DLG4: variants seen among roughly 807,000 people sequenced by gnomAD.
DLG4 encodes disks large homolog 4.
In DLG4, 7 loss-of-function variants were observed where a neutral mutation model predicts 93.8. The ratio of observed to expected loss-of-function variants is 0.07; its 90% CI spans 0.04 to 0.14. The LOEUF (loss-of-function observed/expected upper bound fraction) is 0.14, where lower values mean the gene tolerates loss of function less well. Ranked by LOEUF, DLG4 falls within the 10% of genes least tolerant of loss-of-function variation. The probability of loss-of-function intolerance (pLI) is 1.00; values close to 1 mark genes in which losing one functional copy is unlikely to be tolerated. For synonymous variants in DLG4, 341 were observed against 387.6 expected, an observed-to-expected ratio of 0.88 and a Z score of 1.41; for missense variants, 545 against 992.9, an observed-to-expected ratio of 0.55 and a Z score of 6.06.
At chr17:7,190,878 G>T in intron 19 of DLG4, 64 bp from the exon 20 acceptor site, 4 of 1,376,604 alleles carry the variant, frequency 2.9e-6, no homozygotes, top group South Asian at 1.2e-5. Flanking sequence ...GGCCAAGGGG[G>T]TTGCACCAGC....
Position 7,193,210 on chromosome 17 carries a change from C to T in DLG4, c.1694-93G>A. On this transcript the variant is annotated intron_variant, in intron 16 of 19. Transcript: ENST00000399506. The surrounding 1 kb of genome is among the most constrained non-coding windows in gnomAD (Gnocchi z 6.7). The stretch of plus-strand genomic sequence containing the variant: ...TCAATCAAATCCCCATAGTGCCCAG[C>T]TGGTCCTTTGGTGAAAGGGAGCTGC... 6.5e-7 allele frequency: 1 copy of T among 1,540,356 alleles called. No individual in the cohort carries two copies. Among genetic ancestry groups the T allele is most frequent in the Non-Finnish European group, 8.8e-7 (1 of 1,131,344 alleles).
At chr17:7,218,423 G>A (rs1341104373), upstream of DLG4, 8 of 1,373,906 alleles carry the variant, frequency 5.8e-6, no homozygotes, top group African/African-American at 2.9e-5. Flanking sequence ...GGACACCATA[G>A]GCAGGACCCT....
intron 8 of DLG4, among the ~76,000 whole-genome samples, chr17:7,199,072 G>T (rs554951083): frequency 6.6e-6 from 1 of 152,148 alleles, no homozygotes; most frequent in Admixed American, 6.5e-5. Context: ...TCAACCTGTT[G>T]GTTACTCTCT....
chr17:7,214,183 G>A (rs1291722027), intron 1 of DLG4, among the ~76,000 whole-genome samples: 2 of 152,156 alleles, frequency 1.3e-5, no homozygotes, highest in African/African-American at 4.8e-5. Flanking sequence ...GGAAAATTGA[G>A]ACGTCAGACT....
upstream of DLG4, chr17:7,217,923 G>C: frequency 9.0e-7 from 1 of 1,112,336 alleles, no homozygotes; most frequent in Non-Finnish European, 1.3e-6. Context: ...GTAGGGGGTC[G>C]GGTGTGAGGG....
At position 7,196,499 on chromosome 17, in the gene DLG4, G is replaced by C; in HGVS notation, c.1160C>G (p.Thr387Arg). 1 of 1,613,990 alleles carries C rather than the reference G, an allele frequency of 6.2e-7. No individual in the cohort carries two copies. Among genetic ancestry groups the C allele is most frequent in the Non-Finnish European group, 8.5e-7 (1 of 1,179,888 alleles). The part of the protein sequence containing the change: ...IALKNAGQTV[T>R]IIAQYKPEEY... ...TTCTGGTTTATACTGAGCGATGATCGTGACCGTCTGACCCGCATTCTTCAG... is the reference window on the plus strand; with the variant it reads ...TTCTGGTTTATACTGAGCGATGATCCTGACCGTCTGACCCGCATTCTTCAG... Residue 387 changes from threonine to arginine, a missense_variant, in exon 10 of 20, where the codon ACG becomes AGG. Physicochemically the swap from Thr to Arg is moderately conservative, Grantham distance 71. Around this residue, in one of 5 missense-constraint regions of DLG4, gnomAD observed 428 missense variants for 741.4 expected, o/e 0.58. Coordinates refer to ENST00000399506, the MANE Select transcript of DLG4 (RefSeq NM_001321075.3). The surrounding 1 kb of genome is among the most constrained non-coding windows in gnomAD (Gnocchi z 8.3).
At chr17:7,218,120 ACTGACTCAGG>A, upstream of DLG4, 1 of 904,912 alleles carries the variant, frequency 1.1e-6, no homozygotes, top group Non-Finnish European at 1.7e-6. Flanking sequence ...TCCCTGGGCC[ACTGACTCAGG>A]CTTTTGTCAG....
At position 7,203,142 on chromosome 17, in the gene DLG4, G is replaced by A. The variant is rs928003885; in HGVS notation, c.642+51C>T. ...GATGAACTTGGGCCTGCCAGGGCTA[G>A]TAGGTGAGACCCAAATCTGGGCTAG... On this transcript the variant is annotated intron_variant, in intron 7 of 19. Transcript: ENST00000399506. The surrounding 1 kb of genome is among the most constrained non-coding windows in gnomAD (Gnocchi z 7.2). 86 of 1,570,244 alleles carry A rather than the reference G, an allele frequency of 5.5e-5. No individual in the cohort carries two copies. The highest frequency in any genetic ancestry group is 7.1e-5 in the Non-Finnish European group (82 of 1,150,242).
upstream of DLG4, chr17:7,219,790 G>T (rs1314338317): frequency 5.3e-6 from 8 of 1,505,620 alleles, no homozygotes; most frequent in African/African-American, 1.1e-4. Flanking sequence ...GACGCTTGGA[G>T]ATCCCTCTAA....
rs371707817 is a variant in DLG4 at position 7,209,980 on chromosome 17, T to G, written c.31-1741A>C. On this transcript the variant is annotated intron_variant, in intron 1 of 19. Coordinates refer to ENST00000399506, the MANE Select transcript of DLG4 (RefSeq NM_001321075.3). ...TTGCTTGAACCTGGGAAGCGGAGGT[T>G]GCAGTGAGCCGAGATCATGCCACTG... 2.5e-4 allele frequency among the ~76,000 whole-genome samples: 38 copies of G among 152,242 alleles called. No individual in the cohort carries two copies. In the East Asian group the frequency reaches 5.4e-3, roughly 22 times the overall value.
At chr17:7,200,946 G>A (rs1464538293) in intron 8 of DLG4, among the ~76,000 whole-genome samples, 4 of 139,440 alleles carry the variant, frequency 2.9e-5, no homozygotes, top group Non-Finnish European at 4.5e-5. Context: ...TGCAAGCTCC[G>A]CCTCCCAGGG....
chr17:7,194,501 G>C lies in DLG4; in HGVS notation c.1302-6C>G. ...TGTCGTAATCAAACAGGGCCCTGGA[G>C]GGCAAGTGGCTATCGGTCAGAGCCC... On this transcript the variant is annotated splice_polypyrimidine_tract_variant and splice_region_variant and intron_variant, in intron 11 of 19. Transcript: ENST00000399506. This position sits in a 1 kb window ranked among gnomAD's most constrained non-coding sequence, Gnocchi z 4.4. The C allele has an allele frequency of 6.3e-7, 1 of 1,599,356 alleles. No individual in the cohort carries two copies. Among genetic ancestry groups the C allele is most frequent in the Admixed American group, 1.7e-5 (1 of 57,780 alleles).
intron 8 of DLG4, 35 bp from the exon 9 acceptor site, chr17:7,197,087 A>T: frequency 6.4e-7 from 1 of 1,556,600 alleles, no homozygotes; most frequent in Non-Finnish European, 8.7e-7. Context: ...AAGTGCCTGG[A>T]GGGAAACAGC....
At chr17:7,218,727 C>T (rs2071050299), upstream of DLG4, 1 of 1,567,420 alleles carries the variant, frequency 6.4e-7, no homozygotes, top group Non-Finnish European at 8.7e-7. Context: ...AGACTGTGCC[C>T]TTCACCCCAG....
In DLG4 at chr17:7,187,304, C is replaced by CCGGG. The variant is rs2069318778; in HGVS notation, c.*3403_*3404insCCCG. On this transcript the variant is annotated 3_prime_UTR_variant, in exon 20 of 20. Transcript: ENST00000399506. The stretch of plus-strand genomic sequence containing the variant: ...CCTGTAATCCTAGCACTTTGGGAGG[C>CCGGG]CGAGGGGGGGGGGGGTGGATCACCC... 4.2e-5 allele frequency among the ~76,000 whole-genome samples: 1 copy of CCGGG among 24,080 alleles called. No homozygotes were observed. Among genetic ancestry groups the CCGGG allele is most frequent in the Non-Finnish European group, 2.4e-4 (1 of 4,172 alleles). The allele number at this position is 24,080 out of a possible 152,430, so 15.8% of individuals were successfully genotyped here.
rs1363419070 is a variant in DLG4, at chr17:7,209,295, G to A, written c.31-1056C>T. ...CCAGAGAAGGAGGAAAAGGGCAGATGGAGACAGCAGAAGAAGACAGCGTTT... is the reference window on the plus strand; with the variant it reads ...CCAGAGAAGGAGGAAAAGGGCAGATAGAGACAGCAGAAGAAGACAGCGTTT... On this transcript the variant is annotated intron_variant, in intron 1 of 19. Transcript: ENST00000399506. Among the ~76,000 whole-genome samples, 3 of 152,206 alleles carry A rather than the reference G, an allele frequency of 2.0e-5. No individual in the cohort carries two copies. The East Asian group carries it at 5.8e-4, about 29-fold the overall frequency.
intron 1 of DLG4, among the ~76,000 whole-genome samples, chr17:7,212,573 C>G (rs766406266): frequency 5.3e-5 from 8 of 152,158 alleles, no homozygotes; most frequent in African/African-American, 1.9e-4. Context: ...ACACCAGAAC[C>G]CAATTTCAGG....
At position 7,195,168 on chromosome 17, in the gene DLG4, C is replaced by G. The variant is rs991468561; in HGVS notation, c.1302-673G>C. On this transcript the variant is annotated intron_variant, in intron 11 of 19. Transcript: ENST00000399506. The surrounding 1 kb of genome is among the most constrained non-coding windows in gnomAD (Gnocchi z 4.3). ...TGTTTCCAAATAATGGTTACCCTTACCAGTATCAAATTTCTATCAGTAAGT... is the reference window on the plus strand; with the variant it reads ...TGTTTCCAAATAATGGTTACCCTTAGCAGTATCAAATTTCTATCAGTAAGT... Among the ~76,000 whole-genome samples the G allele has an allele frequency of 6.6e-6, 1 of 152,176 alleles. No homozygotes were observed. The highest frequency in any genetic ancestry group is 1.5e-5 in the Non-Finnish European group (1 of 68,036).
At position 7,193,895 on chromosome 17, in the gene DLG4, G is replaced by A. The variant is rs758606292; in HGVS notation, c.1516-24C>T. On this transcript the variant is annotated intron_variant, in intron 13 of 19. Transcript: ENST00000399506. This position sits in a 1 kb window ranked among gnomAD's most constrained non-coding sequence, Gnocchi z 6.7. The stretch of plus-strand genomic sequence containing the variant: ...TCCTAAGAAGAAAAAGCAGGCCACG[G>A]GGTTAGTTATGAGCTCAGCTCCATG... The A allele has an allele frequency of 1.9e-6, 3 of 1,612,686 alleles. No homozygotes were observed. Among genetic ancestry groups the A allele is most frequent in the South Asian group, 1.1e-5 (1 of 90,690 alleles).
Sources: allele counts gnomAD v4.1 joint callset (sites outside exome capture counted in the v4.1 genomes callset), GRCh38; gene constraint gnomAD v4.1.1; regional missense constraint gnomAD v4.1.1; non-coding constraint Gnocchi (gnomAD v3.1); transcripts MANE v1.5; gene names NCBI Gene and HGNC (gene_info 2026-07-23, HGNC 2026-07-21).